ATAD2B: variants seen among roughly 807,000 people sequenced by gnomAD.
ATAD2B encodes ATPase family AAA domain containing 2B.
ATAD2B carries 40 observed loss-of-function variants against 167.6 expected under a neutral mutation model. That is an observed-to-expected ratio of 0.24 (90% confidence interval 0.19 to 0.31). ATAD2B has a LOEUF of 0.31. ATAD2B is among the 10% of genes least tolerant of loss of function. The pLI, the probability that ATAD2B is intolerant of heterozygous loss-of-function variation, is 1.00. For synonymous variants in ATAD2B, 579 were observed against 596.5 expected, an observed-to-expected ratio of 0.97 and a Z score of 0.43; for missense variants, 1,242 against 1,757.2, an observed-to-expected ratio of 0.71 and a Z score of 5.24.
chr2:23,787,693 T>G (rs1681031334), intron 20 of ATAD2B, among the ~76,000 whole-genome samples: 1 of 152,128 alleles, frequency 6.6e-6, no homozygotes, highest in East Asian at 1.9e-4. Flanking sequence ...GGAAATGTAT[T>G]GAGTATCCTA....
chr2:23,914,176 C>T (rs1343027723), intron 1 of ATAD2B, among the ~76,000 whole-genome samples: 2 of 152,160 alleles, frequency 1.3e-5, no homozygotes, highest in Middle Eastern at 3.4e-3. Context: ...GAACAACATA[C>T]GTGAGAACTT....
intron 26 of ATAD2B, 115 bp from the exon 27 acceptor site, chr2:23,754,422 T>C: frequency 8.1e-7 from 1 of 1,234,470 alleles, no homozygotes; most frequent in Non-Finnish European, 1.1e-6. Context: ...ACAGTGAACA[T>C]GAAATTAAAA....
chr2:23,699,133 C>G, the ATAD2B span, among the ~76,000 whole-genome samples: 1 of 152,252 alleles, frequency 6.6e-6, no homozygotes, highest in Non-Finnish European at 1.5e-5. Flanking sequence ...TCCAAGCACA[C>G]AACTGGACGT....
intron 24 of ATAD2B, among the ~76,000 whole-genome samples, chr2:23,759,650 T>C (rs1400768014): frequency 6.6e-6 from 1 of 152,228 alleles, no homozygotes; most frequent in Non-Finnish European, 1.5e-5. Context: ...TGGCTCAACA[T>C]GTATTTTTCC....
Position 23,765,615 on chromosome 2 carries a change from C to T in ATAD2B, c.3147G>A (p.Arg1049=), listed in dbSNP as rs759264692. The T allele has an allele frequency of 2.8e-6, 4 of 1,434,250 alleles. No individual in the cohort carries two copies. In the South Asian group the frequency reaches 6.5e-5, roughly 23 times the overall value. The allele number at this position is 1,434,250 out of a possible 1,614,324, so 88.8% of individuals were successfully genotyped here. A position where few individuals can be genotyped will look rare whatever the true frequency, so the allele number is the denominator to read the frequency against. The change falls in exon 23 of 28, where the codon AGG becomes AGA. Residue 1049 remains arginine (R), a synonymous_variant. Coordinates refer to ENST00000238789, the MANE Select transcript of ATAD2B (RefSeq NM_017552.4). ...PDKDPGDKII[R]HRACTLKDTA... is the part of the protein sequence containing the mutation. The stretch of plus-strand genomic sequence containing the variant: ...TGTCCTTCAGGGTACAAGCCCTGTG[C>T]CTAATTATTTTATCTGTTAAAAAAG...
At chr2:23,769,030 G>C (rs1003825459) in intron 22 of ATAD2B, among the ~76,000 whole-genome samples, 9 of 152,150 alleles carry the variant, frequency 5.9e-5, no homozygotes, top group African/African-American at 2.2e-4. Context: ...TAATACTAAG[G>C]GGTGGAATGG....
chr2:23,687,229 G>A, the ATAD2B span, among the ~76,000 whole-genome samples: 6 of 149,244 alleles, frequency 4.0e-5, no homozygotes, highest in African/African-American at 1.2e-4. Context: ...ACCTCCGTGG[G>A]GATCAACATT....
At chr2:23,873,149 GA>G (rs1277212488) in intron 8 of ATAD2B, 1 of 351,612 alleles carries the variant, frequency 2.8e-6, no homozygotes, top group Non-Finnish European at 5.5e-6. Context: ...TCCCCATCAG[GA>G]AAGTTCCCAA....
chr2:23,849,462 C>A (rs1692216513), intron 13 of ATAD2B, among the ~76,000 whole-genome samples: 2 of 152,122 alleles, frequency 1.3e-5, no homozygotes, highest in African/African-American at 4.8e-5. Flanking sequence ...ATTAAAGGGA[C>A]AAAGAATTCA....
At chr2:23,897,490 C>G (rs1458513205) in intron 1 of ATAD2B, among the ~76,000 whole-genome samples, 1 of 152,208 alleles carries the variant, frequency 6.6e-6, no homozygotes, top group African/African-American at 2.4e-5. Context: ...TAGTGATTAT[C>G]TAATTCCATC....
At chr2:23,722,547 TAAAGAACAAA>T in the ATAD2B span, among the ~76,000 whole-genome samples, 1 of 151,734 alleles carries the variant, frequency 6.6e-6, no homozygotes, top group Admixed American at 6.6e-5. Flanking sequence ...TAAATAATAA[TAAAGAACAAA>T]AAAGAATGAA....
chr2:23,831,875 C>T, intron 14 of ATAD2B, among the ~76,000 whole-genome samples: 1 of 152,146 alleles, frequency 6.6e-6, no homozygotes, highest in East Asian at 1.9e-4. Flanking sequence ...CATTATCTTG[C>T]CCCTGCTTCC....
Position 23,748,899 on chromosome 2 carries a change from T to C in ATAD2B, c.*3147A>G, listed in dbSNP as rs747260074. The C allele has an allele frequency of 2.0e-5, 3 of 152,016 alleles. No individual in the cohort carries two copies. The highest frequency in any genetic ancestry group is 2.9e-5 in the Non-Finnish European group (2 of 67,992). The allele number at this position is 152,016 out of a possible 1,614,324, so 9.4% of individuals were successfully genotyped here. ...GTAGACATACATGACTGAAACCAAA[T>C]TGGACTCCCAAAGTCTAAGTAACCA... is the stretch of plus-strand genomic sequence containing the variant. On this transcript the variant is annotated 3_prime_UTR_variant, in exon 28 of 28. Coordinates refer to ENST00000238789, the MANE Select transcript of ATAD2B (RefSeq NM_017552.4).
At chr2:23,772,302 A>C (rs933924845) in intron 22 of ATAD2B, among the ~76,000 whole-genome samples, 1 of 152,180 alleles carries the variant, frequency 6.6e-6, no homozygotes, top group African/African-American at 2.4e-5. Flanking sequence ...TAATTTTTCA[A>C]AAGTATTGTT....
At chr2:23,909,006 A>T (rs1701874876) in intron 1 of ATAD2B, among the ~76,000 whole-genome samples, 1 of 147,802 alleles carries the variant, frequency 6.8e-6, no homozygotes, top group African/African-American at 2.5e-5. Flanking sequence ...GGGGAGGGAT[A>T]GCATTGGGAG....
intron 8 of ATAD2B, chr2:23,872,796 C>T: frequency 1.0e-6 from 1 of 967,216 alleles, no homozygotes; most frequent in African/African-American, 1.6e-5. Flanking sequence ...TCAATGGCAT[C>T]TAGCACTGTC....
chr2:23,874,515 C>A (rs1573175271), intron 8 of ATAD2B, among the ~76,000 whole-genome samples: 2 of 151,914 alleles, frequency 1.3e-5, no homozygotes, highest in Admixed American at 6.6e-5. Context: ...CCAGTCTGGG[C>A]AACGTGGCAA....
chr2:23,906,410 C>A (rs889928313), intron 1 of ATAD2B, among the ~76,000 whole-genome samples: 86 of 152,106 alleles, frequency 5.7e-4, no homozygotes, highest in African/African-American at 2.1e-3. Flanking sequence ...AACCTGCATG[C>A]CAACCGGTTA....
At chr2:23,738,969 A>G in the ATAD2B span, among the ~76,000 whole-genome samples, 6 of 152,238 alleles carry the variant, frequency 3.9e-5, no homozygotes, top group East Asian at 1.9e-4. Context: ...TTACATAATG[A>G]TAAAGGGATC....
Sources: allele counts gnomAD v4.1 joint callset (sites outside exome capture counted in the v4.1 genomes callset), GRCh38; gene constraint gnomAD v4.1.1; transcripts MANE v1.5; gene names NCBI Gene and HGNC (gene_info 2026-07-23, HGNC 2026-07-21).